MAST4: variants seen among roughly 807,000 people sequenced by gnomAD.
MAST4 encodes microtubule associated serine/threonine kinase family member 4, also known as microtubule-associated serine/threonine-protein kinase 4.
Under a neutral mutation model 162.7 loss-of-function variants are expected in MAST4, and 89 were observed. The ratio of observed to expected loss-of-function variants is 0.55; its 90% CI spans 0.46 to 0.65. The LOEUF is 0.65. Among genes scored for constraint, MAST4 ranks in the 30% least tolerant of loss-of-function variants. The pLI, the probability that MAST4 is intolerant of heterozygous loss-of-function variation, is 0.00. For missense variants in MAST4, 3,153 were observed against 3,374.0 expected (o/e 0.93, Z 1.62); for synonymous variants, 1,479 against 1,361.1 (o/e 1.09, Z -1.91).
chr5:66,829,309 C>G (rs191289621), intron 3 of MAST4, among the ~76,000 whole-genome samples: 2 of 152,110 alleles, frequency 1.3e-5, no homozygotes, highest in Admixed American at 1.3e-4. Context: ...GATCGCCTTG[C>G]AGTTGTGTGC....
At chr5:66,929,648 C>G (rs569449673) in intron 4 of MAST4, among the ~76,000 whole-genome samples, 1 of 152,322 alleles carries the variant, frequency 6.6e-6, no homozygotes, top group African/African-American at 2.4e-5. Flanking sequence ...CAGCTAGATA[C>G]AGTTATGTTA....
chr5:66,913,243 C>T (rs1763892220), intron 4 of MAST4, among the ~76,000 whole-genome samples: 1 of 152,158 alleles, frequency 6.6e-6, no homozygotes, highest in East Asian at 1.9e-4. Flanking sequence ...CCCATCTCCC[C>T]CAGAAGTTTT....
chr5:66,897,236 T>A (rs1291975301), intron 3 of MAST4, among the ~76,000 whole-genome samples: 2 of 152,182 alleles, frequency 1.3e-5, no homozygotes, highest in East Asian at 1.9e-4. Context: ...TCCACATATG[T>A]CAAGCACAAG....
chr5:66,644,229 T>C (rs1032366518), intron 1 of MAST4, among the ~76,000 whole-genome samples: 1 of 152,150 alleles, frequency 6.6e-6, no homozygotes, highest in African/African-American at 2.4e-5. Flanking sequence ...CTTGGAATAG[T>C]AGCAAACAGC....
chr5:67,132,054 C>T, intron 16 of MAST4, 103 bp downstream of exon 16: 1 of 1,266,378 alleles, frequency 7.9e-7, no homozygotes. Context: ...TTAAATTATT[C>T]CATAATGTCC....
intron 3 of MAST4, among the ~76,000 whole-genome samples, chr5:66,856,889 C>T (rs543920843): frequency 6.6e-6 from 1 of 152,130 alleles, no homozygotes; most frequent in East Asian, 1.9e-4. Flanking sequence ...TTGTGAAATG[C>T]TGAATAACAT....
chr5:66,660,967 G>T (rs1746869219), intron 1 of MAST4, among the ~76,000 whole-genome samples: 1 of 152,116 alleles, frequency 6.6e-6, no homozygotes, highest in Admixed American at 6.5e-5. Flanking sequence ...CAATATTAAT[G>T]CTTTGCTAAA....
intron 3 of MAST4, among the ~76,000 whole-genome samples, chr5:66,790,985 C>A (rs1183495472): frequency 6.6e-6 from 1 of 152,120 alleles, no homozygotes; most frequent in Non-Finnish European, 1.5e-5. Flanking sequence ...TCAAACAACA[C>A]TGTCACAGAA....
At chr5:66,812,609 G>C (rs951216655) in intron 3 of MAST4, among the ~76,000 whole-genome samples, 1 of 152,192 alleles carries the variant, frequency 6.6e-6, no homozygotes, top group Admixed American at 6.5e-5. Context: ...TGCTTGCATC[G>C]TGTGAAGTGG....
intron 1 of MAST4, among the ~76,000 whole-genome samples, chr5:66,617,014 G>A (rs527808505): frequency 6.6e-6 from 1 of 152,292 alleles, no homozygotes; most frequent in South Asian, 2.1e-4. Context: ...GAGACACCTT[G>A]CACATTCATA....
chr5:66,891,490 A>G (rs188721717), intron 3 of MAST4, among the ~76,000 whole-genome samples: 1 of 152,114 alleles, frequency 6.6e-6, no homozygotes, highest in Admixed American at 6.5e-5. Flanking sequence ...TGATTAGGCC[A>G]TCTTATTCCC....
At chr5:66,621,613 G>C (rs1257625887) in intron 1 of MAST4, among the ~76,000 whole-genome samples, 2 of 152,020 alleles carry the variant, frequency 1.3e-5, no homozygotes, top group Non-Finnish European at 2.9e-5. Flanking sequence ...CAATAAAAAT[G>C]GTTAAAAAAA....
intron 4 of MAST4, among the ~76,000 whole-genome samples, chr5:66,924,284 T>G (rs1764730131): frequency 6.6e-6 from 1 of 152,216 alleles, no homozygotes; most frequent in African/African-American, 2.4e-5. Flanking sequence ...TCCCAGTAAT[T>G]ATTTTGGAGA....
chr5:66,935,654 TTTTC>T (rs550841451), intron 4 of MAST4, among the ~76,000 whole-genome samples: 69 of 151,140 alleles, frequency 4.6e-4, no homozygotes, highest in South Asian at 2.3e-3. Context: ...CCATAGACTT[TTTTC>T]TTTCTTTCTT....
chr5:66,783,513 C>G (rs1230415459), intron 2 of MAST4: 1 of 152,166 alleles, frequency 6.6e-6, no homozygotes, highest in East Asian at 1.9e-4. Context: ...AAGGATCTCT[C>G]TATCCTGTTG....
chr5:66,596,844 G>GC lies in MAST4; in HGVS notation c.191dup (p.Pro65AlafsTer59). Reference sequence around the variant, plus strand: ...GCGGCTTCTCCAGAGAGCATCAGCCGCCGCCGCCGCCGCCGTTGGGAGGCA... The same window carrying GC: ...GCGGCTTCTCCAGAGAGCATCAGCCGCCCGCCGCCGCCGCCGTTGGGAGGCA... On this transcript the variant is annotated frameshift_variant, in exon 1 of 29. Transcript: ENST00000403625. LOFTEE classifies it high-confidence loss of function. 3.1e-6 allele frequency: 4 copies of GC among 1,296,180 alleles called. No homozygotes were observed. The highest frequency in any genetic ancestry group is 2.9e-6 in the Non-Finnish European group (3 of 1,023,028). 80.3% of individuals were successfully genotyped at this position (1,296,180 alleles called of 1,614,324 possible).
At chr5:66,599,143 T>C (rs1196788398) in intron 1 of MAST4, among the ~76,000 whole-genome samples, 1 of 152,216 alleles carries the variant, frequency 6.6e-6, no homozygotes, top group Non-Finnish European at 1.5e-5. Flanking sequence ...CCAAACCATG[T>C]AGTTTTTTCC....
chr5:66,797,442 T>G (rs1222189697), intron 3 of MAST4, among the ~76,000 whole-genome samples: 1 of 152,194 alleles, frequency 6.6e-6, no homozygotes, highest in Non-Finnish European at 1.5e-5. Flanking sequence ...TATTCCGGGT[T>G]CATTGGCACC....
At chr5:67,048,848 A>G (rs1417992699) in intron 4 of MAST4, among the ~76,000 whole-genome samples, 1 of 151,228 alleles carries the variant, frequency 6.6e-6, no homozygotes, top group Admixed American at 6.6e-5. Context: ...ACAAAGCCCA[A>G]CAAGCCACTA....
Sources: gnomAD v4.1 joint callset for allele counts (sites outside exome capture counted in the v4.1 genomes callset) on GRCh38, gnomAD v4.1.1 for gene constraint, MANE v1.5 for transcripts, NCBI Gene and HGNC (gene_info 2026-07-23, HGNC 2026-07-21) for gene names.